SPIRE1: variants seen among roughly 807,000 people sequenced by gnomAD.
SPIRE1 encodes the protein spire type actin nucleation factor 1.
In SPIRE1, 40 loss-of-function variants were observed where a neutral mutation model predicts 94.1. The ratio of observed to expected loss-of-function variants is 0.43; its 90% CI spans 0.33 to 0.55. SPIRE1 has a LOEUF of 0.55. Among genes scored for constraint, SPIRE1 ranks in the 20% least tolerant of loss-of-function variants. SPIRE1 has a pLI of 0.06. For missense variants in SPIRE1, 838 were observed against 975.2 expected (o/e 0.86, Z 1.87); for synonymous variants, 376 against 371.7 (o/e 1.01, Z -0.13).
chr18:12,594,562 A>G (rs1483449588), intron 2 of SPIRE1, among the ~76,000 whole-genome samples: 1 of 152,236 alleles, frequency 6.6e-6, no homozygotes, highest in African/African-American at 2.4e-5. Flanking sequence ...TGTCCATAAG[A>G]AAAAATGATT....
intron 2 of SPIRE1, among the ~76,000 whole-genome samples, chr18:12,633,402 C>A (rs1300152419): frequency 6.6e-6 from 1 of 151,930 alleles, no homozygotes; most frequent in Non-Finnish European, 1.5e-5. Context: ...CATGGTAAAA[C>A]CCCGTCTTCA....
At chr18:12,518,649 T>C (rs1036738492) in intron 4 of SPIRE1, among the ~76,000 whole-genome samples, 1 of 151,750 alleles carries the variant, frequency 6.6e-6, no homozygotes, top group Non-Finnish European at 1.5e-5. Context: ...CATCACTGCA[T>C]GAGATTACCC....
At chr18:12,589,165 G>A (rs978286282) in intron 2 of SPIRE1, among the ~76,000 whole-genome samples, 4 of 142,388 alleles carry the variant, frequency 2.8e-5, no homozygotes, top group African/African-American at 1.0e-4. Context: ...TAGGTATTAT[G>A]CATATTAACA....
chr18:12,558,054 C>A (rs1018449293), intron 2 of SPIRE1, among the ~76,000 whole-genome samples: 1 of 152,158 alleles, frequency 6.6e-6, no homozygotes, highest in Non-Finnish European at 1.5e-5. Context: ...AAATGTAAGA[C>A]CTCAAATTAT....
chr18:12,502,837 G>A (rs534840635), intron 6 of SPIRE1, among the ~76,000 whole-genome samples: 167 of 152,306 alleles, frequency 1.1e-3, no homozygotes, highest in Admixed American at 2.0e-3. Context: ...GTGGGGTGCG[G>A]TGGCTCATGC....
intron 1 of SPIRE1, among the ~76,000 whole-genome samples, chr18:12,649,990 A>C (rs1430736408): frequency 6.6e-6 from 1 of 152,246 alleles, no homozygotes; most frequent in Non-Finnish European, 1.5e-5. Context: ...CTGTAATCCC[A>C]GCACTTTGGG....
At chr18:12,551,566 G>A (rs1028491090) in intron 2 of SPIRE1, among the ~76,000 whole-genome samples, 2 of 152,066 alleles carry the variant, frequency 1.3e-5, no homozygotes, top group East Asian at 1.9e-4. Flanking sequence ...TTAGCCGGGC[G>A]TGGTGACAGG....
chr18:12,647,863 G>A (rs1032358208), intron 1 of SPIRE1, among the ~76,000 whole-genome samples: 1 of 152,192 alleles, frequency 6.6e-6, no homozygotes, highest in Non-Finnish European at 1.5e-5. Context: ...CTGGAAATAT[G>A]GGTGACTCTA....
chr18:12,631,554 A>C (rs1246829752), intron 2 of SPIRE1, among the ~76,000 whole-genome samples: 1 of 135,794 alleles, frequency 7.4e-6, no homozygotes, highest in African/African-American at 3.2e-5. Context: ...TCTACAAAAA[A>C]AAAAAAAAAA....
intron 12 of SPIRE1, 138 bp downstream of exon 12, chr18:12,463,213 T>C: frequency 1.1e-6 from 1 of 874,412 alleles, no homozygotes; most frequent in South Asian, 2.7e-5. Context: ...TTTGTTTTCT[T>C]TAGCTATTAA....
At chr18:12,472,741 G>C (rs2032413415) in intron 10 of SPIRE1, among the ~76,000 whole-genome samples, 1 of 151,696 alleles carries the variant, frequency 6.6e-6, no homozygotes, top group Non-Finnish European at 1.5e-5. Context: ...GCTCACCACA[G>C]CCTTTAACTC....
At chr18:12,595,488 AT>A (rs2036646596) in intron 2 of SPIRE1, among the ~76,000 whole-genome samples, 1 of 152,220 alleles carries the variant, frequency 6.6e-6, no homozygotes, top group Non-Finnish European at 1.5e-5. Flanking sequence ...GGTCAACTGT[AT>A]AAACAATCCA....
chr18:12,640,469 C>G (rs2038054366), intron 1 of SPIRE1, among the ~76,000 whole-genome samples: 3 of 152,214 alleles, frequency 2.0e-5, no homozygotes, highest in Non-Finnish European at 4.4e-5. Context: ...CTAAGTACTA[C>G]TCATAAGCAC....
intron 10 of SPIRE1, among the ~76,000 whole-genome samples, chr18:12,477,382 A>G (rs1438024805): frequency 6.6e-6 from 1 of 152,214 alleles, no homozygotes; most frequent in African/African-American, 2.4e-5. Flanking sequence ...TATAACTTAA[A>G]TTTAAATAGC....
chr18:12,563,393 T>C, intron 2 of SPIRE1, among the ~76,000 whole-genome samples: 1 of 152,140 alleles, frequency 6.6e-6, no homozygotes, highest in Non-Finnish European at 1.5e-5. Context: ...GTGATCATAA[T>C]GTACATCAGC....
In SPIRE1 at chr18:12,546,690, T is replaced by C. The variant is rs141634147; in HGVS notation, c.587A>G (p.Tyr196Cys). 6.2e-7 allele frequency: 1 copy of C among 1,613,618 alleles called. No individual in the cohort carries two copies. The highest frequency in any genetic ancestry group is 8.5e-7 in the Non-Finnish European group (1 of 1,179,576). ...EKRKISAIRS[Y>C]RDVMKLCAAH... ...CTGCCTTACCTTCATGACATCTCTA[T>C]ATGACCGAATAGCTGAGATTTTTCT... is the stretch of plus-strand genomic sequence containing the variant. The change falls in exon 3 of 17, where the codon TAT becomes TGT. Residue 196 changes from tyrosine (Y) to cysteine (C), a missense_variant. Around this residue, in one of 2 missense-constraint regions of SPIRE1, gnomAD observed 645 missense variants for 804.7 expected, o/e 0.80. Coordinates refer to ENST00000409402, the MANE Select transcript of SPIRE1 (RefSeq NM_001128626.2).
chr18:12,590,090 CTTTT>C (rs33962566), intron 2 of SPIRE1, among the ~76,000 whole-genome samples: 1 of 143,000 alleles, frequency 7.0e-6, no homozygotes, highest in Non-Finnish European at 1.5e-5. Context: ...CTCCTAATTT[CTTTT>C]TTTTTTTTTT....
chr18:12,661,631 C>G (rs1364535148), upstream of SPIRE1, among the ~76,000 whole-genome samples: 1 of 151,066 alleles, frequency 6.6e-6, no homozygotes, highest in Non-Finnish European at 1.5e-5. Context: ...GAAAATTAGC[C>G]AGGCATGGTG....
chr18:12,557,460 G>A (rs1328457186), intron 2 of SPIRE1, among the ~76,000 whole-genome samples: 2 of 152,196 alleles, frequency 1.3e-5, no homozygotes, highest in African/African-American at 4.8e-5. Flanking sequence ...CCAAGCCAGT[G>A]CCCACCCAGA....
Sources: gnomAD v4.1 joint callset for allele counts (sites outside exome capture counted in the v4.1 genomes callset) on GRCh38, gnomAD v4.1.1 for gene constraint, gnomAD v4.1.1 regional missense constraint, MANE v1.5 for transcripts, NCBI Gene and HGNC (gene_info 2026-07-23, HGNC 2026-07-21) for gene names.